The following TDRD3 variants were observed in gnomAD, a reference collection of about 807,000 sequenced individuals.
TDRD3 encodes the protein tudor domain containing 3, also known as tudor domain-containing protein 3.
In TDRD3, 45 loss-of-function variants were observed where a neutral mutation model predicts 86.7. The ratio of observed to expected loss-of-function variants is 0.52; its 90% confidence interval spans 0.41 to 0.67. The LOEUF (loss-of-function observed/expected upper bound fraction) is 0.67. Among genes scored for constraint, TDRD3 ranks in the 30% least tolerant of loss-of-function variants. The pLI is 0.00. For synonymous variants in TDRD3, 298 were observed against 301.7 expected (o/e 0.99, Z 0.13); for missense variants, 814 against 889.0 (o/e 0.92, Z 1.07).
intron 5 of TDRD3, among the ~76,000 whole-genome samples, chr13:60,472,268 T>C (rs1956089715): frequency 6.6e-6 from 1 of 152,218 alleles, no homozygotes; most frequent in Admixed American, 6.5e-5. Context: ...TTCTGATTAC[T>C]GGTTTTTCAT....
intron 5 of TDRD3, among the ~76,000 whole-genome samples, chr13:60,470,729 T>C (rs987211673): frequency 6.6e-6 from 1 of 151,746 alleles, no homozygotes; most frequent in Non-Finnish European, 1.5e-5. Context: ...ATTACAGGTG[T>C]GCACCACCAT....
At chr13:60,499,421 C>T (rs751174437) in intron 8 of TDRD3, among the ~76,000 whole-genome samples, 10 of 152,226 alleles carry the variant, frequency 6.6e-5, no homozygotes, top group Non-Finnish European at 1.2e-4. Context: ...AAGGTCCACC[C>T]GAAGCAATTT....
chr13:60,495,467 AT>A (rs542683486), intron 8 of TDRD3, among the ~76,000 whole-genome samples: 448 of 144,874 alleles, frequency 3.1e-3, no homozygotes, highest in African/African-American at 3.9e-3. Flanking sequence ...AATCAGAGGT[AT>A]TTTTTTTTTT....
chr13:60,558,265 C>G (rs985168994), intron 12 of TDRD3, among the ~76,000 whole-genome samples: 1 of 152,136 alleles, frequency 6.6e-6, no homozygotes, highest in African/African-American at 2.4e-5. Flanking sequence ...AATCATTGCT[C>G]TCAGAGAAAG....
chr13:60,567,628 G>A lies in TDRD3; in HGVS notation c.2222G>A (p.Arg741Gln), dbSNP rs184995173. 450 of 1,614,090 alleles carry A rather than the reference G, an allele frequency of 2.8e-4. 1 individual carries two copies. The East Asian group carries it at 8.0e-3, about 29-fold the overall frequency. ...RPTQQFYQPPRARN is the reference protein window; with the variant it reads ...RPTQQFYQPPQARN Reference sequence around the variant, plus strand: ...ACCCAACAGTTTTACCAACCACCCCGGGCTCGGAACTAATAGGAAAAGGTA... The same window carrying A: ...ACCCAACAGTTTTACCAACCACCCCAGGCTCGGAACTAATAGGAAAAGGTA... The change falls in exon 13 of 14, where the codon CGG (arginine) becomes CAG (glutamine). Residue 741 changes from arginine (R) to glutamine (Q), a missense_variant. Arg to Gln is a conservative substitution (Grantham distance 43). Transcript: ENST00000377881.
At chr13:60,427,000 C>T (rs1954829935) in intron 1 of TDRD3, among the ~76,000 whole-genome samples, 3 of 151,824 alleles carry the variant, frequency 2.0e-5, no homozygotes, top group African/African-American at 4.8e-5. Flanking sequence ...GTATTGTGTA[C>T]GTATTTATGT....
intron 12 of TDRD3, among the ~76,000 whole-genome samples, chr13:60,567,230 C>A (rs1298818159): frequency 1.3e-5 from 2 of 152,110 alleles, no homozygotes; most frequent in Non-Finnish European, 2.9e-5. Context: ...GATGATCTTG[C>A]TATTATTTGG....
intron 3 of TDRD3, among the ~76,000 whole-genome samples, chr13:60,447,197 A>G (rs1292607057): frequency 1.3e-5 from 2 of 152,228 alleles, no homozygotes; most frequent in African/African-American, 2.4e-5. Flanking sequence ...AAAATATACA[A>G]TAGACTATTT....
intron 10 of TDRD3, among the ~76,000 whole-genome samples, chr13:60,527,693 T>A (rs958958071): frequency 1.3e-5 from 2 of 152,222 alleles, no homozygotes; most frequent in Non-Finnish European, 2.9e-5. Context: ...AGTATTATGC[T>A]TAGTAATGTT....
chr13:60,539,402 C>T (rs1957764556), intron 12 of TDRD3, among the ~76,000 whole-genome samples: 1 of 151,836 alleles, frequency 6.6e-6, no homozygotes, highest in African/African-American at 2.4e-5. Context: ...GAAAATCTTA[C>T]TGAAGTTTTA....
chr13:60,480,635 G>T (rs936949917), intron 5 of TDRD3, among the ~76,000 whole-genome samples: 53 of 152,288 alleles, frequency 3.5e-4, no homozygotes, highest in African/African-American at 1.2e-3. Context: ...AGAGTTGTAT[G>T]TTTGGTCTCT....
chr13:60,474,766 A>G (rs1421634826), intron 5 of TDRD3, among the ~76,000 whole-genome samples: 2 of 152,190 alleles, frequency 1.3e-5, no homozygotes, highest in Non-Finnish European at 2.9e-5. Context: ...TTGTCTTTCT[A>G]CACATTTACC....
At chr13:60,503,065 T>G (rs182025747) in intron 8 of TDRD3, among the ~76,000 whole-genome samples, 1 of 152,222 alleles carries the variant, frequency 6.6e-6, no homozygotes. Flanking sequence ...AAAATAAGTT[T>G]CCTTGACTCT....
chr13:60,540,230 A>G (rs1009845979), intron 12 of TDRD3, among the ~76,000 whole-genome samples: 9 of 152,188 alleles, frequency 5.9e-5, no homozygotes, highest in Admixed American at 3.3e-4. Context: ...TTTGCAATAT[A>G]AACAACAGTA....
chr13:60,499,499 C>G (rs577264869), intron 8 of TDRD3, among the ~76,000 whole-genome samples: 1 of 152,232 alleles, frequency 6.6e-6, no homozygotes, highest in East Asian at 1.9e-4. Flanking sequence ...AACTCTCTGG[C>G]TTTGTGTCAT....
Position 60,528,494 on chromosome 13 carries a change from T to C in TDRD3, c.1269T>C (p.Asn423=). 6.2e-7 allele frequency: 1 copy of C among 1,613,890 alleles called. No homozygotes were observed. The highest frequency in any genetic ancestry group is 1.1e-5 in the South Asian group (1 of 91,072). ...GAAATGATACCAGGCAGCCAAGAAA[T>C]GAAAAACCGCCTCGTTTTCAAAGAG... The part of the protein sequence containing the change: ...PPRNDTRQPR[N]EKPPRFQRDS... The change falls in exon 11 of 14, where the codon AAT becomes AAC. Residue 423 remains asparagine, a synonymous_variant. Coordinates refer to ENST00000377881, the MANE Select transcript of TDRD3 (RefSeq NM_001146070.2).
intron 6 of TDRD3, among the ~76,000 whole-genome samples, chr13:60,485,000 A>G (rs1194065059): frequency 6.6e-6 from 1 of 152,122 alleles, no homozygotes; most frequent in African/African-American, 2.4e-5. Flanking sequence ...ATTTGGTTAT[A>G]AAGTTCATTC....
intron 13 of TDRD3, among the ~76,000 whole-genome samples, chr13:60,573,126 G>A (rs1400861242): frequency 6.6e-6 from 1 of 152,184 alleles, no homozygotes; most frequent in East Asian, 1.9e-4. Flanking sequence ...CACCCAAAGT[G>A]GTTTTAACTA....
intron 12 of TDRD3, among the ~76,000 whole-genome samples, chr13:60,554,824 A>T (rs796671189): frequency 1.8e-4 from 28 of 152,134 alleles, no homozygotes; most frequent in African/African-American, 6.3e-4. Flanking sequence ...TAAGCAAATT[A>T]CTCTCCAGAT....
Sources: allele counts gnomAD v4.1 joint callset (sites outside exome capture counted in the v4.1 genomes callset), GRCh38; gene constraint gnomAD v4.1.1; transcripts MANE v1.5; gene names NCBI Gene and HGNC (gene_info 2026-07-23, HGNC 2026-07-21).